The following SSUH2 variants were observed in gnomAD, a reference collection of about 807,000 sequenced individuals.
The protein encoded by SSUH2 is protein SSUH2 homolog.
In SSUH2, 47 loss-of-function variants were observed where a neutral mutation model predicts 55.3. That is an observed-to-expected ratio of 0.85 (90% CI 0.67 to 1.08). SSUH2 has a LOEUF of 1.08. SSUH2 is among the 50% of genes least tolerant of loss of function. SSUH2 has a pLI of 0.00. For synonymous variants in SSUH2, 212 were observed against 191.5 expected (o/e 1.11, Z -0.89); for missense variants, 535 against 490.7 (o/e 1.09, Z -0.85).
intron 11 of SSUH2, 152 bp from the exon 12 acceptor site, chr3:8,620,166 A>T: frequency 1.3e-6 from 1 of 741,640 alleles, no homozygotes; most frequent in Non-Finnish European, 2.1e-6. Flanking sequence ...TTCCCACCCA[A>T]ATCTCACCTT....
chr3:8,646,124 A>T (rs1214427144), upstream of SSUH2, among the ~76,000 whole-genome samples: 2 of 152,152 alleles, frequency 1.3e-5, no homozygotes, highest in Non-Finnish European at 2.9e-5. Context: ...CCCCATGGTA[A>T]ATGGGGTTAT....
chr3:8,633,941 C>G, intron 3 of SSUH2, 146 bp from the exon 4 acceptor site: 2 of 1,613,872 alleles, frequency 1.2e-6, no homozygotes, highest in Non-Finnish European at 1.7e-6. Context: ...GAGGGCATCT[C>G]CTGCAAAGGG....
At chr3:8,634,165 G>A (rs1699474627) in intron 3 of SSUH2, 1 of 628,288 alleles carries the variant, frequency 1.6e-6, no homozygotes, top group East Asian at 3.0e-5. Flanking sequence ...GCAGAGACAG[G>A]CTAAATAAGG....
chr3:8,681,152 T>G (rs544906171), intron 1 of SSUH2, among the ~76,000 whole-genome samples: 4 of 107,262 alleles, frequency 3.7e-5, no homozygotes, highest in Non-Finnish European at 8.1e-5. Flanking sequence ...CTCTTAGGAC[T>G]TCCATAGCAG....
intron 5 of SSUH2, among the ~76,000 whole-genome samples, chr3:8,664,454 C>T (rs531737873): frequency 2.6e-5 from 4 of 152,284 alleles, no homozygotes; most frequent in African/African-American, 9.6e-5. Context: ...TCCATCTGCT[C>T]TTTCAACAAA....
chr3:8,656,417 A>G (rs1157738012), intron 7 of SSUH2, among the ~76,000 whole-genome samples: 3 of 152,120 alleles, frequency 2.0e-5, no homozygotes, highest in Non-Finnish European at 4.4e-5. Flanking sequence ...TGTGTTCCCA[A>G]CCTGGCACAA....
intron 3 of SSUH2, among the ~76,000 whole-genome samples, chr3:8,675,005 T>A (rs1224693304): frequency 4.6e-5 from 7 of 152,186 alleles, no homozygotes; most frequent in Non-Finnish European, 7.3e-5. Context: ...ACTTTTGGAA[T>A]TATTGTTCCT....
intron 5 of SSUH2, among the ~76,000 whole-genome samples, chr3:8,668,473 G>A (rs1704200467): frequency 6.6e-6 from 1 of 152,312 alleles, no homozygotes; most frequent in Non-Finnish European, 1.5e-5. Flanking sequence ...AATAGCATCA[G>A]CAGACATCCA....
chr3:8,622,163 A>G (rs1159734702), intron 11 of SSUH2, among the ~76,000 whole-genome samples: 3 of 152,206 alleles, frequency 2.0e-5, no homozygotes, highest in Non-Finnish European at 4.4e-5. Flanking sequence ...TTTCGGCTCT[A>G]ACTTCTCCAT....
intron 1 of SSUH2, among the ~76,000 whole-genome samples, chr3:8,637,935 T>G (rs1340825166): frequency 6.6e-6 from 1 of 152,216 alleles, no homozygotes; most frequent in Non-Finnish European, 1.5e-5. Flanking sequence ...TAATATACCC[T>G]GTCCCTTCAA....
At chr3:8,640,407 C>T (rs1321653536) in intron 1 of SSUH2, among the ~76,000 whole-genome samples, 1 of 152,120 alleles carries the variant, frequency 6.6e-6, no homozygotes, top group Admixed American at 6.6e-5. Context: ...TCACCTAACC[C>T]CTGCAGTGAC....
At chr3:8,680,222 A>T (rs984343817) in intron 1 of SSUH2, among the ~76,000 whole-genome samples, 5 of 152,110 alleles carry the variant, frequency 3.3e-5, no homozygotes, top group Non-Finnish European at 7.4e-5. Flanking sequence ...CTTGGCAGCA[A>T]CTGCCCTGCT....
Position 8,625,644 on chromosome 3 carries a change from C to A in SSUH2, c.771G>T (p.Lys257Asn). Residue 257 changes from lysine to asparagine, a missense_variant, in exon 10 of 12, where the codon AAG (lysine) becomes AAT (asparagine). Transcript: ENST00000544814. ...LHFIQLVIMWKNSLFEFVSEH... is the reference protein window; with the variant it reads ...LHFIQLVIMWNNSLFEFVSEH... Reference sequence around the variant, plus strand: ...CAGACACAAACTCAAACAAGCTGTTCTTCCTGGAGGGAAGGAGGATGAGGG... The same window carrying A: ...CAGACACAAACTCAAACAAGCTGTTATTCCTGGAGGGAAGGAGGATGAGGG... 1 of 1,611,238 alleles carries A rather than the reference C, an allele frequency of 6.2e-7. No individual in the cohort carries two copies. Among genetic ancestry groups the A allele is most frequent in the South Asian group, 1.1e-5 (1 of 90,956 alleles).
chr3:8,639,883 A>G, intron 1 of SSUH2: 2 of 875,956 alleles, frequency 2.3e-6, no homozygotes, highest in Non-Finnish European at 2.7e-6. Flanking sequence ...AATGGCATTC[A>G]ACACTTAAAC....
chr3:8,650,657 G>A (rs2125316913), intron 7 of SSUH2, among the ~76,000 whole-genome samples: 1 of 152,344 alleles, frequency 6.6e-6, no homozygotes, highest in Non-Finnish European at 1.5e-5. Flanking sequence ...TATAGGAACA[G>A]CAGGAAGGAG....
chr3:8,647,680 T>C (rs1701879965), upstream of SSUH2, among the ~76,000 whole-genome samples: 1 of 152,168 alleles, frequency 6.6e-6, no homozygotes, highest in African/African-American at 2.4e-5. Context: ...CTCACTCTCA[T>C]TCATCCAGTG....
chr3:8,639,887 C>CT lies in SSUH2; in HGVS notation c.29-4031dup, dbSNP rs1287307803. ...TATAAGAAAGGAATGGCATTCAACA[C>CT]TTAAACAAAGAGTGGGAATCCAACA... is the stretch of plus-strand genomic sequence containing the variant. On this transcript the variant is annotated intron_variant, in intron 1 of 11. Transcript: ENST00000544814. The CT allele has an allele frequency of 3.3e-5, 30 of 909,068 alleles. No homozygotes were observed. The African/African-American group carries it at 5.0e-4, about 15-fold the overall frequency. 56.3% of individuals were successfully genotyped at this position (909,068 alleles called of 1,614,324 possible).
chr3:8,646,315 C>T (rs957843169), upstream of SSUH2, among the ~76,000 whole-genome samples: 2 of 152,198 alleles, frequency 1.3e-5, no homozygotes, highest in African/African-American at 2.4e-5. Context: ...ACCACTATTA[C>T]ATCTTGAGTA....
intron 6 of SSUH2, 127 bp downstream of exon 6, chr3:8,630,678 A>G (rs773085844): frequency 1.3e-5 from 11 of 877,218 alleles, no homozygotes; most frequent in Non-Finnish European, 1.7e-5. Context: ...ATTTATAACC[A>G]ACAAATGAAG....
Sources: allele counts gnomAD v4.1 joint callset (sites outside exome capture counted in the v4.1 genomes callset), GRCh38; gene constraint gnomAD v4.1.1; transcripts MANE v1.5; gene names NCBI Gene and HGNC (gene_info 2026-07-23, HGNC 2026-07-21).